The following PCDH15 variants were observed in gnomAD, a reference collection of about 807,000 sequenced individuals.
The protein encoded by PCDH15 is protocadherin-15.
In PCDH15, 129 loss-of-function variants were observed where a neutral mutation model predicts 178.5. The ratio of observed to expected loss-of-function variants is 0.72; its 90% CI spans 0.63 to 0.84. The LOEUF is 0.84. Among genes scored for constraint, PCDH15 ranks in the 40% least tolerant of loss-of-function variants. The pLI, the probability that PCDH15 is intolerant of heterozygous loss-of-function variation, is 0.00. For missense variants in PCDH15, 2,230 were observed against 2,099.9 expected (o/e 1.06, Z -1.21); for synonymous variants, 800 against 732.0 (o/e 1.09, Z -1.50).
chr10:54,847,267 A>T (rs930377998), intron 3 of PCDH15, among the ~76,000 whole-genome samples: 7 of 152,154 alleles, frequency 4.6e-5, no homozygotes, highest in African/African-American at 1.7e-4. Flanking sequence ...CAAACTTCAC[A>T]TGTTTTAAAT....
At chr10:54,052,885 C>T (rs538405055) in intron 18 of PCDH15, among the ~76,000 whole-genome samples, 1 of 152,130 alleles carries the variant, frequency 6.6e-6, no homozygotes, top group Non-Finnish European at 1.5e-5. Flanking sequence ...TCTCATGATA[C>T]TACGTTTTCA....
At chr10:54,126,924 G>C (rs946431139) in intron 15 of PCDH15, among the ~76,000 whole-genome samples, 1 of 151,914 alleles carries the variant, frequency 6.6e-6, no homozygotes, top group African/African-American at 2.4e-5. Flanking sequence ...TATCTTACTT[G>C]TCTCTCAAAA....
chr10:54,690,027 A>G (rs954583648), intron 1 of PCDH15, among the ~76,000 whole-genome samples: 2 of 152,186 alleles, frequency 1.3e-5, no homozygotes, highest in African/African-American at 4.8e-5. Flanking sequence ...AAGAAATTGT[A>G]TAGTCATGTG....
chr10:54,664,335 A>C (rs2094537051), intron 1 of PCDH15, 45 bp from the exon 2 acceptor site: 1 of 1,209,834 alleles, frequency 8.3e-7, no homozygotes, highest in Admixed American at 1.9e-5. Context: ...ATGTTCATTA[A>C]TCTGTTATAG....
chr10:55,397,519 C>T (rs1276172472), intron 2 of PCDH15, among the ~76,000 whole-genome samples: 1 of 152,070 alleles, frequency 6.6e-6, no homozygotes, highest in African/African-American at 2.4e-5. Context: ...AGGGGATAAA[C>T]TAAAAGGACT....
chr10:53,918,081 A>G (rs965923407), intron 25 of PCDH15, among the ~76,000 whole-genome samples: 2 of 152,246 alleles, frequency 1.3e-5, no homozygotes, highest in Non-Finnish European at 2.9e-5. Context: ...TTTATAAATT[A>G]CCCAGCCTCA....
intron 13 of PCDH15, among the ~76,000 whole-genome samples, chr10:54,180,989 G>A (rs2047935271): frequency 6.6e-6 from 1 of 152,000 alleles, no homozygotes; most frequent in African/African-American, 2.4e-5. Flanking sequence ...ATCCCCTAAG[G>A]CAAACATTTT....
chr10:54,375,898 A>ATATAAAAT (rs1554938299), intron 4 of PCDH15, among the ~76,000 whole-genome samples: 2 of 139,570 alleles, frequency 1.4e-5, no homozygotes, highest in African/African-American at 2.7e-5. Flanking sequence ...TATATATATA[A>ATATAAAAT]TTTTTTTTCT....
intron 3 of PCDH15, among the ~76,000 whole-genome samples, chr10:54,509,593 T>G (rs2081467373): frequency 6.6e-6 from 1 of 152,190 alleles, no homozygotes; most frequent in Non-Finnish European, 1.5e-5. Flanking sequence ...CATGAGTCTC[T>G]CCTAATCGAC....
chr10:54,995,307 C>G (rs1242213642), intron 2 of PCDH15, among the ~76,000 whole-genome samples: 1 of 147,248 alleles, frequency 6.8e-6, no homozygotes, highest in East Asian at 2.0e-4. Flanking sequence ...ACCCGGGAGT[C>G]GGAGTTTGCA....
intron 1 of PCDH15, among the ~76,000 whole-genome samples, chr10:55,235,026 A>G (rs776721780): frequency 1.6e-4 from 25 of 152,102 alleles, no homozygotes; most frequent in Non-Finnish European, 2.5e-4. Context: ...CACAAAGTCT[A>G]GGTTTGATAT....
intron 18 of PCDH15, among the ~76,000 whole-genome samples, chr10:54,062,333 T>C (rs4935099): frequency 0.028 from 4,241 of 149,248 alleles, 98 homozygotes; most frequent in East Asian, 0.11. Flanking sequence ...CAATAGAATA[T>C]AAACACAAAG....
chr10:55,167,271 A>G (rs1311836663), intron 1 of PCDH15, among the ~76,000 whole-genome samples: 3 of 151,708 alleles, frequency 2.0e-5, no homozygotes, highest in Non-Finnish European at 4.4e-5. Context: ...GTGCCACCAT[A>G]CTCAGGTCAT....
intron 1 of PCDH15, among the ~76,000 whole-genome samples, chr10:54,696,232 C>T (rs550787501): frequency 1.6e-4 from 25 of 152,018 alleles, no homozygotes; most frequent in African/African-American, 5.1e-4. Context: ...TGAATGACTT[C>T]GAGAGGTTAA....
chr10:54,180,838 C>A (rs990393986), intron 13 of PCDH15, among the ~76,000 whole-genome samples: 1 of 152,054 alleles, frequency 6.6e-6, no homozygotes, highest in African/African-American at 2.4e-5. Context: ...CATGCTGACA[C>A]AAACAACAGT....
chr10:55,309,957 A>AT (rs1251303075), intron 1 of PCDH15, among the ~76,000 whole-genome samples: 10 of 151,860 alleles, frequency 6.6e-5, no homozygotes, highest in Admixed American at 2.6e-4. Context: ...TTCTACTTCC[A>AT]TTTTTTTCCC....
intron 2 of PCDH15, among the ~76,000 whole-genome samples, chr10:55,048,879 T>A (rs1014714193): frequency 4.6e-5 from 7 of 151,974 alleles, no homozygotes; most frequent in Admixed American, 2.6e-4. Context: ...TCTTAGAGGT[T>A]ATAAATAGAA....
At chr10:53,909,706 A>C (rs767573349) in intron 25 of PCDH15, among the ~76,000 whole-genome samples, 6 of 152,156 alleles carry the variant, frequency 3.9e-5, no homozygotes, top group Non-Finnish European at 7.3e-5. Context: ...GTGGGACATC[A>C]CATCACCCAG....
chr10:54,317,731 C>G (rs964486944), intron 7 of PCDH15, among the ~76,000 whole-genome samples: 1 of 151,844 alleles, frequency 6.6e-6, no homozygotes, highest in African/African-American at 2.4e-5. Flanking sequence ...AAGATCACGC[C>G]ACTGCACTCC....
Sources: allele counts gnomAD v4.1 joint callset (sites outside exome capture counted in the v4.1 genomes callset), GRCh38; gene constraint gnomAD v4.1.1; transcripts MANE v1.5; gene names NCBI Gene and HGNC (gene_info 2026-07-23, HGNC 2026-07-21).